Variants in TFPI observed in about 807,000 individuals in gnomAD.
TFPI encodes tissue factor pathway inhibitor.
TFPI carries 15 observed loss-of-function variants against 34.6 expected under a neutral mutation model. That is an observed-to-expected ratio of 0.43 (90% CI 0.29 to 0.67). The LOEUF is 0.67. TFPI is among the 30% of genes least tolerant of loss of function. The probability of loss-of-function intolerance (pLI) is 0.15; values close to 1 mark genes in which losing one functional copy is unlikely to be tolerated. For missense variants in TFPI, 301 were observed against 364.0 expected, an observed-to-expected ratio of 0.83 and a Z score of 1.41; for synonymous variants, 105 against 120.1, an observed-to-expected ratio of 0.87 and a Z score of 0.82.
At chr2:187,533,147 C>G (rs1426142007) in intron 1 of TFPI, among the ~76,000 whole-genome samples, 1 of 152,200 alleles carries the variant, frequency 6.6e-6, no homozygotes, top group Non-Finnish European at 1.5e-5. Context: ...CTTCAGCAGA[C>G]TTAAACATTC....
chr2:187,516,836 T>C (rs74841614), intron 1 of TFPI: 13,108 of 152,272 alleles, frequency 0.086, 761 homozygotes, highest in East Asian at 0.25. Context: ...TTTCCTGTTC[T>C]GTTCCGTTGT....
chr2:187,468,156 A>G (rs916644419), intron 6 of TFPI, among the ~76,000 whole-genome samples: 2 of 151,870 alleles, frequency 1.3e-5, no homozygotes, highest in Admixed American at 6.6e-5. Flanking sequence ...AAAAAATCTC[A>G]TTTGCTAAAG....
At chr2:187,537,163 A>G (rs1332779977) in intron 1 of TFPI, among the ~76,000 whole-genome samples, 1 of 152,238 alleles carries the variant, frequency 6.6e-6, no homozygotes, top group African/African-American at 2.4e-5. Context: ...ATACTGTCCT[A>G]AGTAATTTAT....
chr2:187,501,384 G>T (rs1017027068), intron 2 of TFPI, among the ~76,000 whole-genome samples: 4 of 145,446 alleles, frequency 2.8e-5, no homozygotes, highest in Non-Finnish European at 4.5e-5. Context: ...TTGACTGTAA[G>T]AATACTCATC....
intron 2 of TFPI, among the ~76,000 whole-genome samples, chr2:187,500,965 G>A (rs999362272): frequency 2.6e-5 from 4 of 152,254 alleles, no homozygotes; most frequent in East Asian, 1.9e-4. Flanking sequence ...GCAACCCCTC[G>A]TTCATGGAGC....
intron 3 of TFPI, among the ~76,000 whole-genome samples, chr2:187,489,303 G>A (rs1684941985): frequency 6.6e-6 from 1 of 151,234 alleles, no homozygotes; most frequent in Non-Finnish European, 1.5e-5. Context: ...AGAGTAAAAT[G>A]TCTATGAAAG....
intron 6 of TFPI, 104 bp downstream of exon 6, chr2:187,484,020 C>T (rs2106011105): frequency 1.2e-6 from 1 of 867,066 alleles, no homozygotes. Context: ...AGCAACAACG[C>T]AGGTATATAT....
Position 187,467,752 on chromosome 2 carries a change from C to A in TFPI, c.808+1G>T. On this transcript the variant is annotated splice_donor_variant, in intron 7 of 7. Coordinates refer to ENST00000233156, the MANE Select transcript of TFPI (RefSeq NM_006287.6). LOFTEE classifies it high-confidence loss of function. Reference sequence around the variant, plus strand: ...ATTAATGGGAAGAGTATCTTCTATACCTTTTTTACATGCCCTCAGACATTC... The same window carrying A: ...ATTAATGGGAAGAGTATCTTCTATAACTTTTTTACATGCCCTCAGACATTC... 2 of 1,597,732 alleles carry A rather than the reference C, an allele frequency of 1.3e-6. No homozygotes were observed. Among genetic ancestry groups the A allele is most frequent in the South Asian group, 2.3e-5 (2 of 87,822 alleles).
intron 3 of TFPI, among the ~76,000 whole-genome samples, chr2:187,496,234 A>C: frequency 6.6e-6 from 1 of 152,282 alleles, no homozygotes; most frequent in East Asian, 1.9e-4. Context: ...CAATAATAAA[A>C]AAATCTTAAA....
At chr2:187,477,039 CTA>C (rs1692422450) in intron 6 of TFPI, among the ~76,000 whole-genome samples, 1 of 151,926 alleles carries the variant, frequency 6.6e-6, no homozygotes, top group Non-Finnish European at 1.5e-5. Context: ...TTAAAGATAT[CTA>C]TATATTATTC....
chr2:187,471,925 ATTC>A (rs761499434), intron 6 of TFPI, among the ~76,000 whole-genome samples: 2 of 151,970 alleles, frequency 1.3e-5, no homozygotes, highest in Non-Finnish European at 2.9e-5. Flanking sequence ...CATTTATTTT[ATTC>A]TTCTAAGACT....
At chr2:187,546,084 A>C (rs1192466126) in intron 1 of TFPI, among the ~76,000 whole-genome samples, 2 of 152,086 alleles carry the variant, frequency 1.3e-5, no homozygotes, top group Non-Finnish European at 2.9e-5. Context: ...TATACTATAG[A>C]TCTCCACTAC....
rs1285559051 is a variant in TFPI, at chr2:187,517,607, T to C, written c.-2-13837A>G. 3 of 152,214 alleles carry C rather than the reference T, an allele frequency of 2.0e-5. No individual in the cohort carries two copies. In the East Asian group the frequency reaches 5.8e-4, roughly 29 times the overall value. The allele number at this position is 152,214 out of a possible 1,614,324, so 9.4% of individuals were successfully genotyped here. A position where few individuals can be genotyped will look rare whatever the true frequency, so the allele number is the denominator to read the frequency against. The stretch of plus-strand genomic sequence containing the variant: ...AAGTGTGATGTGGTGCTGAGAAGAA[T>C]GTATATTCTGTTGATTTGGGGTTGA... On this transcript the variant is annotated intron_variant, in intron 1 of 7. Coordinates refer to ENST00000233156, the MANE Select transcript of TFPI (RefSeq NM_006287.6).
intron 6 of TFPI, among the ~76,000 whole-genome samples, chr2:187,474,680 G>A (rs989013454): frequency 6.6e-6 from 1 of 152,028 alleles, no homozygotes; most frequent in Admixed American, 6.6e-5. Flanking sequence ...ATTGAATTTG[G>A]GCAGGTAGAG....
intron 6 of TFPI, among the ~76,000 whole-genome samples, chr2:187,476,300 G>A (rs908894254): frequency 3.3e-5 from 5 of 152,080 alleles, no homozygotes; most frequent in African/African-American, 1.2e-4. Flanking sequence ...CCACTCCACT[G>A]TGTCCCTAGA....
rs938540055 is a variant in TFPI, at chr2:187,466,242, C to T, written c.*694G>A. 3 of 151,884 alleles carry T rather than the reference C, an allele frequency of 2.0e-5. No individual in the cohort carries two copies. The highest frequency in any genetic ancestry group is 4.1e-4 in the South Asian group (2 of 4,822). 9.4% of individuals were successfully genotyped at this position (151,884 alleles called of 1,614,324 possible). On this transcript the variant is annotated 3_prime_UTR_variant, in exon 8 of 8. Coordinates refer to ENST00000233156, the MANE Select transcript of TFPI (RefSeq NM_006287.6). Reference sequence around the variant, plus strand: ...TCTCCTTATCATGAGTTGTATTTAACACACAATTATTCAGTCATCTTGACT... The same window carrying T: ...TCTCCTTATCATGAGTTGTATTTAATACACAATTATTCAGTCATCTTGACT...
chr2:187,493,344 T>G (rs1685249568), intron 3 of TFPI, among the ~76,000 whole-genome samples: 1 of 152,066 alleles, frequency 6.6e-6, no homozygotes, highest in Non-Finnish European at 1.5e-5. Flanking sequence ...ACGAAGTCCC[T>G]AGACTGCACA....
chr2:187,502,584 A>G (rs1685923289), intron 2 of TFPI, among the ~76,000 whole-genome samples: 1 of 152,170 alleles, frequency 6.6e-6, no homozygotes, highest in Non-Finnish European at 1.5e-5. Flanking sequence ...ATCTCTAGGA[A>G]ATTTTTATAA....
chr2:187,508,385 A>T (rs1421544871), intron 1 of TFPI, among the ~76,000 whole-genome samples: 1 of 152,188 alleles, frequency 6.6e-6, no homozygotes, highest in Non-Finnish European at 1.5e-5. Flanking sequence ...GATAGCATTG[A>T]ATCTATAAAT....
Sources: gnomAD v4.1 joint callset for allele counts (sites outside exome capture counted in the v4.1 genomes callset) on GRCh38, gnomAD v4.1.1 for gene constraint, MANE v1.5 for transcripts, NCBI Gene and HGNC (gene_info 2026-07-23, HGNC 2026-07-21) for gene names.